ULK4: variants seen among roughly 807,000 people sequenced by gnomAD.
The protein encoded by ULK4 is unc-51 like kinase 4.
In ULK4, 133 loss-of-function variants were observed where a neutral mutation model predicts 160.6. The ratio of observed to expected loss-of-function variants is 0.83; its 90% confidence interval spans 0.72 to 0.96. The LOEUF is 0.96. ULK4 is among the 40% of genes least tolerant of loss of function. The probability of loss-of-function intolerance (pLI) is 0.00; values close to 1 mark genes in which losing one functional copy is unlikely to be tolerated. For synonymous variants in ULK4, 534 were observed against 539.8 expected, an observed-to-expected ratio of 0.99 and a Z score of 0.15; for missense variants, 1,580 against 1,499.5, an observed-to-expected ratio of 1.05 and a Z score of -0.89.
chr3:41,936,539 G>A (rs1162224350), intron 3 of ULK4, among the ~76,000 whole-genome samples: 1 of 152,064 alleles, frequency 6.6e-6, no homozygotes, highest in African/African-American at 2.4e-5. Context: ...ACAGATGAAT[G>A]GATAAAGAAA....
At chr3:41,770,629 C>T (rs1394689381) in intron 21 of ULK4, among the ~76,000 whole-genome samples, 1 of 151,676 alleles carries the variant, frequency 6.6e-6, no homozygotes, top group African/African-American at 2.4e-5. Flanking sequence ...TCCTGCCTCA[C>T]CCTCCCAAGT....
At chr3:41,629,308 G>T (rs1040783161) in intron 30 of ULK4, among the ~76,000 whole-genome samples, 20 of 152,154 alleles carry the variant, frequency 1.3e-4, no homozygotes, top group African/African-American at 4.6e-4. Flanking sequence ...CTGGCACCTG[G>T]GCTGGGATGA....
intron 31 of ULK4, among the ~76,000 whole-genome samples, chr3:41,590,711 C>A (rs1416751126): frequency 6.6e-6 from 1 of 150,766 alleles, no homozygotes; most frequent in Non-Finnish European, 1.5e-5. Flanking sequence ...ACAAATTAGA[C>A]ACAACAGACA....
chr3:41,797,625 T>C (rs2040340702), intron 20 of ULK4, among the ~76,000 whole-genome samples: 2 of 152,126 alleles, frequency 1.3e-5, no homozygotes, highest in South Asian at 2.1e-4. Flanking sequence ...TTTGGGAGGC[T>C]GAGGTGGGTG....
intron 17 of ULK4, among the ~76,000 whole-genome samples, chr3:41,859,061 T>C (rs1191089588): frequency 6.6e-6 from 1 of 152,104 alleles, no homozygotes; most frequent in African/African-American, 2.4e-5. Context: ...CAGTAACATA[T>C]CTCTCAGAAG....
intron 32 of ULK4, among the ~76,000 whole-genome samples, chr3:41,485,217 G>A (rs1042854891): frequency 4.6e-5 from 7 of 152,056 alleles, no homozygotes; most frequent in Non-Finnish European, 7.4e-5. Flanking sequence ...CTGCTTTCCT[G>A]TAACTAAAAT....
chr3:41,402,473 G>A (rs1048800938), intron 34 of ULK4, among the ~76,000 whole-genome samples: 6 of 152,124 alleles, frequency 3.9e-5, no homozygotes, highest in African/African-American at 1.4e-4. Context: ...TCACTATTAA[G>A]TATGGTGCTA....
intron 11 of ULK4, among the ~76,000 whole-genome samples, chr3:41,911,014 C>A (rs188265158): frequency 6.6e-6 from 1 of 152,254 alleles, no homozygotes; most frequent in Admixed American, 6.5e-5. Context: ...AAGTTCAATT[C>A]TATTTTAAGT....
intron 27 of ULK4, among the ~76,000 whole-genome samples, chr3:41,698,658 T>C (rs1158568816): frequency 1.3e-5 from 2 of 152,178 alleles, no homozygotes; most frequent in African/African-American, 4.8e-5. Flanking sequence ...TAAACCTTTT[T>C]TCATATTTAT....
In ULK4 at chr3:41,304,273, CAA is replaced by C. The variant is rs368282598; in HGVS notation, c.3679-54701_3679-54700del. The stretch of plus-strand genomic sequence containing the variant: ...GGACAATAAGAGCAAAGCTCCCCCT[CAA>C]AAAAAAAAAAAAAAAGAGACAACAT... On this transcript the variant is annotated intron_variant, in intron 35 of 36. Transcript: ENST00000301831. Among the ~76,000 whole-genome samples, 39 of 89,698 alleles carry C rather than the reference CAA, an allele frequency of 4.3e-4. 3 individuals carry two copies. Among genetic ancestry groups the C allele is most frequent in the African/African-American group, 1.1e-3 (22 of 19,580 alleles). 58.8% of individuals were successfully genotyped at this position (89,698 alleles called of 152,430 possible). A position where few individuals can be genotyped will look rare whatever the true frequency, so the allele number is the denominator to read the frequency against.
intron 32 of ULK4, among the ~76,000 whole-genome samples, chr3:41,493,075 G>A (rs1426071753): frequency 9.8e-6 from 1 of 102,410 alleles, no homozygotes; most frequent in Non-Finnish European, 2.1e-5. Flanking sequence ...GCACCAAGCG[G>A]ACCTAATAGA....
intron 32 of ULK4, among the ~76,000 whole-genome samples, chr3:41,481,986 T>C (rs559827164): frequency 2.6e-5 from 4 of 152,174 alleles, no homozygotes; most frequent in Non-Finnish European, 5.9e-5. Flanking sequence ...GTGCTATATA[T>C]AAACAAGCAT....
chr3:41,827,457 C>T (rs554584768), intron 18 of ULK4, among the ~76,000 whole-genome samples: 5 of 151,982 alleles, frequency 3.3e-5, no homozygotes, highest in South Asian at 4.1e-4. Context: ...TAAAAAATGA[C>T]AAAGGGGATA....
intron 34 of ULK4, among the ~76,000 whole-genome samples, chr3:41,418,301 G>A (rs1204857509): frequency 7.5e-6 from 1 of 134,190 alleles, no homozygotes; most frequent in Non-Finnish European, 1.6e-5. Flanking sequence ...AGTACTACAC[G>A]TATCTTAAAC....
intron 30 of ULK4, among the ~76,000 whole-genome samples, chr3:41,652,292 T>C (rs34776729): frequency 0.068 from 10,304 of 152,170 alleles, 515 homozygotes; most frequent in Admixed American, 0.14. Context: ...ATCTTCCTTA[T>C]GAATAAGTAA....
chr3:41,372,983 T>G (rs891592197), intron 35 of ULK4, among the ~76,000 whole-genome samples: 3 of 152,088 alleles, frequency 2.0e-5, no homozygotes, highest in Admixed American at 6.6e-5. Flanking sequence ...AAGCAGGGGT[T>G]GCAATCCTAG....
chr3:41,388,499 T>C (rs939930030), intron 35 of ULK4, among the ~76,000 whole-genome samples: 2 of 152,270 alleles, frequency 1.3e-5, no homozygotes, highest in South Asian at 2.1e-4. Flanking sequence ...AGGGTTTTTA[T>C]GGTTTTAGGT....
chr3:41,482,370 A>T (rs2084359346), intron 32 of ULK4, among the ~76,000 whole-genome samples: 1 of 152,176 alleles, frequency 6.6e-6, no homozygotes, highest in Non-Finnish European at 1.5e-5. Context: ...ATGGTGTCTT[A>T]TTTCAAGGAC....
intron 20 of ULK4, among the ~76,000 whole-genome samples, chr3:41,793,908 T>C (rs2040219933): frequency 6.6e-6 from 1 of 152,192 alleles, no homozygotes; most frequent in African/African-American, 2.4e-5. Context: ...TATATTTTAC[T>C]CTAAGCCACA....
Sources: allele counts gnomAD v4.1 joint callset (sites outside exome capture counted in the v4.1 genomes callset), GRCh38; gene constraint gnomAD v4.1.1; transcripts MANE v1.5; gene names NCBI Gene and HGNC (gene_info 2026-07-23, HGNC 2026-07-21).